Variants in VAC14 observed in about 807,000 individuals in gnomAD.
The protein encoded by VAC14 is VAC14 component of PIKFYVE complex.
A neutral mutation model predicts 85.3 loss-of-function variants in VAC14; 47 were observed. The ratio of observed to expected loss-of-function variants is 0.55; its 90% CI spans 0.44 to 0.70. The LOEUF (loss-of-function observed/expected upper bound fraction) is 0.70, where lower values mean the gene tolerates loss of function less well. VAC14 is among the 30% of genes least tolerant of loss of function. VAC14 has a pLI of 0.00. For synonymous variants in VAC14, 447 were observed against 430.5 expected (o/e 1.04, Z -0.47); for missense variants, 861 against 1,004.3 (o/e 0.86, Z 1.93).
intron 9 of VAC14, 66 bp downstream of exon 9, chr16:70,780,724 C>A (rs1318359909): frequency 6.6e-7 from 1 of 1,512,026 alleles, no homozygotes; most frequent in African/African-American, 1.4e-5. Context: ...CCCAAGGCAA[C>A]TCCTATGACA....
At chr16:70,748,411 TG>T (rs1322534560) in intron 12 of VAC14, among the ~76,000 whole-genome samples, 2 of 152,054 alleles carry the variant, frequency 1.3e-5, no homozygotes, top group South Asian at 2.1e-4. Context: ...TGATGATGCC[TG>T]GGGGGGAGCC....
At chr16:70,688,662 C>T in intron 18 of VAC14, 1 of 985,620 alleles carries the variant, frequency 1.0e-6, no homozygotes, top group African/African-American at 1.7e-5. Flanking sequence ...GACATGCCTA[C>T]AGCTCCTACA....
rs1432383421 is a variant in VAC14 at position 70,762,232 on chromosome 16, TGAGCAGCTGG to T, written c.1371+298_1371+307del. On this transcript the variant is annotated intron_variant, in intron 12 of 18. Coordinates refer to ENST00000261776, the MANE Select transcript of VAC14 (RefSeq NM_018052.5). The surrounding 1 kb of genome is among the most constrained non-coding windows in gnomAD (Gnocchi z 4.1). ...AAGCAATTCTCCCACCTCAACCTCC[TGAGCAGCTGG>T]GAGTACAGGCGTGCACCACCACGCC... Among the ~76,000 whole-genome samples, 2 of 152,196 alleles carry T rather than the reference TGAGCAGCTGG, an allele frequency of 1.3e-5. No individual in the cohort carries two copies. The highest frequency in any genetic ancestry group is 3.9e-4 in the East Asian group (2 of 5,152).
chr16:70,743,948 G>A lies in VAC14; in HGVS notation c.1528+475C>T, dbSNP rs556550186. ...GTGCTACGGCCACCTTTACTTCCAA[G>A]GACTGCCCAGAAACAGCCTGTGTGA... On this transcript the variant is annotated intron_variant, in intron 13 of 18. Coordinates refer to ENST00000261776, the MANE Select transcript of VAC14 (RefSeq NM_018052.5). 4.6e-5 allele frequency among the ~76,000 whole-genome samples: 7 copies of A among 152,222 alleles called. No individual in the cohort carries two copies. In the East Asian group the frequency reaches 1.4e-3, roughly 30 times the overall value.
At chr16:70,759,931 T>C (rs2032185081) in intron 12 of VAC14, among the ~76,000 whole-genome samples, 1 of 152,172 alleles carries the variant, frequency 6.6e-6, no homozygotes, top group Non-Finnish European at 1.5e-5. Context: ...GTGCAGGTCA[T>C]GTGACCTCCT....
At chr16:70,705,212 C>T (rs1270372128) in intron 14 of VAC14, among the ~76,000 whole-genome samples, 1 of 152,200 alleles carries the variant, frequency 6.6e-6, no homozygotes, top group South Asian at 2.1e-4. Context: ...CAGGCTCTGC[C>T]CTCCCCACCC....
At chr16:70,698,559 C>G in intron 15 of VAC14, 78 bp downstream of exon 15, 3 of 1,562,858 alleles carry the variant, frequency 1.9e-6, no homozygotes, top group Middle Eastern at 1.9e-4. Flanking sequence ...CTGGGGCCAG[C>G]CGAGGGGCGG....
chr16:70,779,144 G>A (rs1466993947), intron 9 of VAC14: 1 of 152,208 alleles, frequency 6.6e-6, no homozygotes, highest in African/African-American at 2.4e-5. Context: ...CAGCTGTTTT[G>A]TTGCTCTGAT....
At position 70,762,778 on chromosome 16, in the gene VAC14, C is replaced by T. The variant is rs899435354; in HGVS notation, c.1305+103G>A. ...GTCACTTCTCTGCCGGCCAGGGTTT[C>T]CCTAGAAGGGCAATGACCAAAATGC... is the stretch of plus-strand genomic sequence containing the variant. On this transcript the variant is annotated intron_variant, in intron 11 of 18. Coordinates refer to ENST00000261776, the MANE Select transcript of VAC14 (RefSeq NM_018052.5). This position sits in a 1 kb window ranked among gnomAD's most constrained non-coding sequence, Gnocchi z 4.1. 5 of 1,570,730 alleles carry T rather than the reference C, an allele frequency of 3.2e-6. No homozygotes were observed. In the African/African-American group the frequency reaches 6.8e-5, roughly 21 times the overall value.
intron 1 of VAC14, among the ~76,000 whole-genome samples, chr16:70,790,059 T>A (rs766695903): frequency 5.3e-5 from 8 of 152,146 alleles, no homozygotes; most frequent in Admixed American, 2.0e-4. Context: ...AGCTATTCCC[T>A]GCCCCCAAGG....
At chr16:70,789,776 G>C (rs2034250108) in intron 1 of VAC14, among the ~76,000 whole-genome samples, 1 of 152,172 alleles carries the variant, frequency 6.6e-6, no homozygotes, top group African/African-American at 2.4e-5. Flanking sequence ...TCCAGGATGT[G>C]GGATGCACCT....
At chr16:70,799,065 C>A (rs879678339) in intron 1 of VAC14, among the ~76,000 whole-genome samples, 5 of 152,204 alleles carry the variant, frequency 3.3e-5, no homozygotes, top group Non-Finnish European at 5.9e-5. Context: ...AGAACAGATA[C>A]ACAGGTTGCG....
intron 14 of VAC14, among the ~76,000 whole-genome samples, chr16:70,723,099 G>T (rs1034714918): frequency 6.6e-6 from 1 of 152,104 alleles, no homozygotes; most frequent in Non-Finnish European, 1.5e-5. Flanking sequence ...GTACACGCCT[G>T]TAATTCCAGC....
At chr16:70,788,677 T>C (rs1282145909) in intron 1 of VAC14, among the ~76,000 whole-genome samples, 1 of 152,210 alleles carries the variant, frequency 6.6e-6, no homozygotes, top group African/African-American at 2.4e-5. Flanking sequence ...CTGCAGATGC[T>C]CTACCAAACA....
chr16:70,696,615 C>T (rs1337802823), intron 16 of VAC14, among the ~76,000 whole-genome samples: 1 of 152,220 alleles, frequency 6.6e-6, no homozygotes, highest in Non-Finnish European at 1.5e-5. Context: ...CTGCTTCTCC[C>T]CAGTGTGTCA....
chr16:70,780,930 T>A lies in VAC14; in HGVS notation c.956A>T (p.Glu319Val), dbSNP rs2033780816. The A allele has an allele frequency of 6.2e-7, 1 of 1,614,138 alleles. No homozygotes were observed. Among genetic ancestry groups the A allele is most frequent in the Non-Finnish European group, 8.5e-7 (1 of 1,180,016 alleles). The change falls in exon 9 of 19, where the codon GAA (glutamate) becomes GTA (valine). Residue 319 changes from glutamate (E) to valine (V), a missense_variant. By Grantham distance (121) the Glu-to-Val change is moderately radical (BLOSUM62 -2). Transcript: ENST00000261776. ...AYDDRKKSIKEVANVCNQSLM... is the reference protein window; with the variant it reads ...AYDDRKKSIKVVANVCNQSLM... Reference sequence around the variant, plus strand: ...GCTCTGGTTGCACACGTTGGCCACTTCTTTGATGCCTGAGTCCACTGATGT... The same window carrying A: ...GCTCTGGTTGCACACGTTGGCCACTACTTTGATGCCTGAGTCCACTGATGT...
chr16:70,757,783 T>G (rs1228255633), intron 12 of VAC14, among the ~76,000 whole-genome samples: 2 of 152,232 alleles, frequency 1.3e-5, no homozygotes, highest in African/African-American at 2.4e-5. Context: ...ATCGTGGGTT[T>G]ATGTGTGCTG....
At chr16:70,737,594 C>T (rs762949704) in intron 13 of VAC14, among the ~76,000 whole-genome samples, 79 of 152,114 alleles carry the variant, frequency 5.2e-4, no homozygotes, top group Non-Finnish European at 9.4e-4. Flanking sequence ...TGCACGTGAC[C>T]GGCGGCTGGC....
chr16:70,781,425 A>T (rs59285743), intron 8 of VAC14, among the ~76,000 whole-genome samples: 1 of 152,210 alleles, frequency 6.6e-6, no homozygotes, highest in African/African-American at 2.4e-5. Flanking sequence ...TGAACCTCGT[A>T]TTCCTAGTCT....
Sources: gnomAD v4.1 joint callset for allele counts (sites outside exome capture counted in the v4.1 genomes callset) on GRCh38, gnomAD v4.1.1 for gene constraint, Gnocchi (gnomAD v3.1) non-coding constraint, MANE v1.5 for transcripts, NCBI Gene and HGNC (gene_info 2026-07-23, HGNC 2026-07-21) for gene names.